FHIP1A: variants seen among roughly 807,000 people sequenced by gnomAD.
FHIP1A encodes the protein FHF complex subunit HOOK interacting protein 1A.
A neutral mutation model predicts 88.6 loss-of-function variants in FHIP1A; 61 were observed. The observed-to-expected ratio is 0.69, with a 90% confidence interval of 0.56 to 0.85. The LOEUF (loss-of-function observed/expected upper bound fraction) is 0.85. Ranked by LOEUF, FHIP1A falls within the 40% of genes least tolerant of loss-of-function variation. FHIP1A has a pLI of 0.00. For missense variants in FHIP1A, 1,154 were observed against 1,273.5 expected (o/e 0.91, Z 1.43); for synonymous variants, 478 against 496.0 (o/e 0.96, Z 0.48).
At chr4:151,511,939 C>T (rs1438361267) in intron 3 of FHIP1A, among the ~76,000 whole-genome samples, 1 of 152,254 alleles carries the variant, frequency 6.6e-6, no homozygotes, top group Admixed American at 6.5e-5. Context: ...AGCAGTGGTT[C>T]TCCCAGCACG....
At chr4:151,586,064 G>C (rs180963235) in intron 5 of FHIP1A, among the ~76,000 whole-genome samples, 1 of 152,178 alleles carries the variant, frequency 6.6e-6, no homozygotes, top group African/African-American at 2.4e-5. Flanking sequence ...GAAAATATAC[G>C]TGGAAGTGCT....
intron 1 of FHIP1A, among the ~76,000 whole-genome samples, chr4:151,411,347 A>ATTTT (rs33972159): frequency 0.014 from 1,906 of 132,198 alleles, 50 homozygotes; most frequent in South Asian, 0.045. Flanking sequence ...AATTATATAT[A>ATTTT]TATTTTTTTT....
At chr4:151,648,053 T>C (rs1449365634) in intron 10 of FHIP1A, among the ~76,000 whole-genome samples, 2 of 152,192 alleles carry the variant, frequency 1.3e-5, no homozygotes, top group East Asian at 1.9e-4. Context: ...TTATAGCAGA[T>C]AAATGCCCTA....
At chr4:151,448,523 A>G (rs553704663) in intron 1 of FHIP1A, among the ~76,000 whole-genome samples, 6 of 152,126 alleles carry the variant, frequency 3.9e-5, no homozygotes, top group Non-Finnish European at 7.4e-5. Flanking sequence ...CATGAATTAG[A>G]CTACTCTAGG....
intron 3 of FHIP1A, among the ~76,000 whole-genome samples, chr4:151,514,083 C>T (rs1731136005): frequency 6.6e-6 from 1 of 152,138 alleles, no homozygotes; most frequent in South Asian, 2.1e-4. Flanking sequence ...TGTAAAAGAT[C>T]AGACATTGTA....
At chr4:151,657,371 A>G (rs186738011) in intron 13 of FHIP1A, among the ~76,000 whole-genome samples, 8 of 152,260 alleles carry the variant, frequency 5.3e-5, no homozygotes, top group Admixed American at 5.2e-4. Context: ...CAAAACAAAA[A>G]AACGGTTTGG....
intron 1 of FHIP1A, among the ~76,000 whole-genome samples, chr4:151,419,679 C>T (rs1320768044): frequency 7.5e-5 from 2 of 26,638 alleles, no homozygotes; most frequent in African/African-American, 1.6e-4. Flanking sequence ...CATGCTGGTG[C>T]GCTGCACCCA....
At chr4:151,572,650 T>C (rs1733639190) in intron 4 of FHIP1A, among the ~76,000 whole-genome samples, 1 of 152,224 alleles carries the variant, frequency 6.6e-6, no homozygotes, top group Non-Finnish European at 1.5e-5. Context: ...CTTCAGTGTG[T>C]TGGAAAATAT....
intron 5 of FHIP1A, among the ~76,000 whole-genome samples, chr4:151,585,180 G>A (rs918527805): frequency 1.3e-5 from 2 of 151,342 alleles, no homozygotes; most frequent in East Asian, 1.9e-4. Context: ...TTTGTAGCTG[G>A]CTTTTTTTTT....
At chr4:151,646,847 G>A (rs1414212196) in intron 10 of FHIP1A, 99 bp downstream of exon 10, 4 of 782,566 alleles carry the variant, frequency 5.1e-6, no homozygotes, top group Non-Finnish European at 8.1e-6. Context: ...TTATGTGGTG[G>A]GTCCCATTTC....
intron 5 of FHIP1A, among the ~76,000 whole-genome samples, chr4:151,579,079 T>C (rs1319317288): frequency 6.6e-6 from 1 of 152,150 alleles, no homozygotes; most frequent in African/African-American, 2.4e-5. Context: ...ATCATTTTTT[T>C]CCCCTGAGCA....
chr4:151,558,313 A>G (rs1349120114), intron 3 of FHIP1A, among the ~76,000 whole-genome samples: 1 of 152,158 alleles, frequency 6.6e-6, no homozygotes, highest in African/African-American at 2.4e-5. Flanking sequence ...AGGCGGGCAG[A>G]TCACTAGAGC....
At chr4:151,453,998 T>C (rs982915460) in intron 1 of FHIP1A, among the ~76,000 whole-genome samples, 6 of 152,214 alleles carry the variant, frequency 3.9e-5, no homozygotes, top group African/African-American at 1.2e-4. Flanking sequence ...GGGACACTTT[T>C]TAAAAACCAA....
intron 7 of FHIP1A, among the ~76,000 whole-genome samples, chr4:151,623,607 A>C (rs918774502): frequency 1.4e-5 from 2 of 143,320 alleles, no homozygotes; most frequent in African/African-American, 5.2e-5. Context: ...TCCTTTACTG[A>C]GTCCTTTCTA....
chr4:151,437,334 G>C (rs1405887637), intron 1 of FHIP1A, among the ~76,000 whole-genome samples: 1 of 151,990 alleles, frequency 6.6e-6, no homozygotes, highest in Non-Finnish European at 1.5e-5. Flanking sequence ...AATGAAATGA[G>C]ATCCTCCCAA....
chr4:151,444,203 T>C (rs1169448931), intron 1 of FHIP1A, among the ~76,000 whole-genome samples: 2 of 152,142 alleles, frequency 1.3e-5, no homozygotes, highest in African/African-American at 4.8e-5. Context: ...TTCAATAGTA[T>C]GGAATTCTCC....
At chr4:151,608,403 A>G (rs567320915) in intron 7 of FHIP1A, among the ~76,000 whole-genome samples, 1 of 152,086 alleles carries the variant, frequency 6.6e-6, no homozygotes, top group Non-Finnish European at 1.5e-5. Context: ...AGTTGCTTAT[A>G]TAATTGTTTT....
intron 7 of FHIP1A, among the ~76,000 whole-genome samples, chr4:151,592,470 C>CG (rs1218883785): frequency 2.0e-5 from 3 of 152,132 alleles, no homozygotes; most frequent in Non-Finnish European, 4.4e-5. Context: ...TTCTAACTGG[C>CG]GTGACATGGT....
chr4:151,596,404 G>T (rs1363876819), intron 7 of FHIP1A, among the ~76,000 whole-genome samples: 1 of 152,130 alleles, frequency 6.6e-6, no homozygotes, highest in Non-Finnish European at 1.5e-5. Flanking sequence ...TTAGTCTGAT[G>T]GGCTTCCCTT....
Sources: allele counts gnomAD v4.1 joint callset (sites outside exome capture counted in the v4.1 genomes callset), GRCh38; gene constraint gnomAD v4.1.1; transcripts MANE v1.5; gene names NCBI Gene and HGNC (gene_info 2026-07-23, HGNC 2026-07-21).